ZNF223: variants seen among roughly 807,000 people sequenced by gnomAD.
The protein encoded by ZNF223 is Homo sapiens zinc finger protein 223.
A neutral mutation model predicts 12.3 loss-of-function variants in ZNF223; 9 were observed. The ratio of observed to expected loss-of-function variants is 0.73; its 90% CI spans 0.44 to 1.28. ZNF223 has a LOEUF of 1.28. Among genes scored for constraint, ZNF223 ranks in the 50% most tolerant of loss-of-function variants. The pLI, the probability that ZNF223 is intolerant of heterozygous loss-of-function variation, is 0.00. For missense variants in ZNF223, 506 were observed against 579.0 expected (o/e 0.87, Z 1.29); for synonymous variants, 171 against 195.2 (o/e 0.88, Z 1.03).
chr19:44,056,698 G>T (rs1976773164), intron 2 of ZNF223, among the ~76,000 whole-genome samples: 1 of 135,882 alleles, frequency 7.4e-6, no homozygotes, highest in Non-Finnish European at 1.5e-5. Flanking sequence ...GGTTTACGCC[G>T]TTCTCCTGCC....
At chr19:44,065,197 T>G (rs529293583) in intron 4 of ZNF223, among the ~76,000 whole-genome samples, 3 of 152,320 alleles carry the variant, frequency 2.0e-5, no homozygotes, top group African/African-American at 7.2e-5. Context: ...CCTTCAAGAT[T>G]CTACAGATTA....
intron 2 of ZNF223, 95 bp downstream of exon 2, chr19:44,055,286 A>C: frequency 7.2e-7 from 1 of 1,398,088 alleles, no homozygotes; most frequent in East Asian, 2.3e-5. Flanking sequence ...CAAGGAGAAC[A>C]GCAGGACTTT....
intron 4 of ZNF223, among the ~76,000 whole-genome samples, chr19:44,064,394 G>A (rs896173692): frequency 6.6e-5 from 10 of 152,102 alleles, no homozygotes; most frequent in Admixed American, 4.6e-4. Flanking sequence ...ATTCCCCTCA[G>A]AACTGCAGTT....
Position 44,067,140 on chromosome 19 carries a change from G to A in ZNF223, c.1312G>A (p.Val438Ile), listed in dbSNP as rs778553411. ...FKCEDCGKKL[V>I]YRSYRKDQQK... ...ATGTGAGGATTGTGGAAAGAAGCTT[G>A]TATACCGGTCATACCGTAAAGACCA... is the stretch of plus-strand genomic sequence containing the variant. Residue 438 changes from valine (V) to isoleucine (I), a missense_variant, in exon 5 of 5, where the codon GTA becomes ATA. Transcript: ENST00000434772. 3 of 1,613,332 alleles carry A rather than the reference G, an allele frequency of 1.9e-6. No individual in the cohort carries two copies. The highest frequency in any genetic ancestry group is 2.7e-5 in the African/African-American group (2 of 74,838).
chr19:44,066,744 C>T lies in ZNF223; in HGVS notation c.916C>T (p.His306Tyr). ...CCGTCTTAGGTCAAGTCTTAATAGG[C>T]ATTGTGTGGTCCACACAGGAAAGAA... ...SFRLRSSLNR[H>Y]CVVHTGKKPN... Residue 306 changes from histidine to tyrosine, a missense_variant, in exon 5 of 5, where the codon CAT becomes TAT. By Grantham distance (83) the His-to-Tyr change is moderately conservative. Coordinates refer to ENST00000434772, the MANE Select transcript of ZNF223 (RefSeq NM_013361.6). 6.2e-7 allele frequency: 1 copy of T among 1,614,210 alleles called. No individual in the cohort carries two copies. The highest frequency in any genetic ancestry group is 8.5e-7 in the Non-Finnish European group (1 of 1,180,052).
rs1976938820 is a variant in ZNF223, at chr19:44,067,535, C to T, written c.*258C>T. ...TCCATTAGCCAACCTTTGGCCATCC[C>T]ACCTATCCCTTACCCTTCCCTGCCT... On this transcript the variant is annotated 3_prime_UTR_variant, in exon 5 of 5. Coordinates refer to ENST00000434772, the MANE Select transcript of ZNF223 (RefSeq NM_013361.6). 1 of 507,532 alleles carries T rather than the reference C, an allele frequency of 2.0e-6. No homozygotes were observed. The highest frequency in any genetic ancestry group is 3.7e-6 in the Non-Finnish European group (1 of 268,140). The allele number at this position is 507,532 out of a possible 1,614,324, so 31.4% of individuals were successfully genotyped here.
intron 2 of ZNF223, among the ~76,000 whole-genome samples, chr19:44,057,585 C>T: frequency 6.6e-6 from 1 of 152,086 alleles, no homozygotes; most frequent in East Asian, 1.9e-4. Flanking sequence ...TTTCTTAATT[C>T]TTGAAAAAAC....
At chr19:44,065,130 C>G (rs1218088743) in intron 4 of ZNF223, among the ~76,000 whole-genome samples, 1 of 152,190 alleles carries the variant, frequency 6.6e-6, no homozygotes, top group East Asian at 1.9e-4. Flanking sequence ...ATTTCACTGT[C>G]AAGAGTTACC....
At position 44,067,519 on chromosome 19, in the gene ZNF223, C is replaced by T. The variant is rs1976938513; in HGVS notation, c.*242C>T. 1 of 549,590 alleles carries T rather than the reference C, an allele frequency of 1.8e-6. No homozygotes were observed. Among genetic ancestry groups the T allele is most frequent in the Non-Finnish European group, 3.4e-6 (1 of 294,838 alleles). The allele number at this position is 549,590 out of a possible 1,614,324, so 34.0% of individuals were successfully genotyped here. A position where few individuals can be genotyped will look rare whatever the true frequency, so the allele number is the denominator to read the frequency against. ...TACCTGTACTTTTGCATCCATTAGCCAACCTTTGGCCATCCCACCTATCCC... is the reference window on the plus strand; with the variant it reads ...TACCTGTACTTTTGCATCCATTAGCTAACCTTTGGCCATCCCACCTATCCC... On this transcript the variant is annotated 3_prime_UTR_variant, in exon 5 of 5. Coordinates refer to ENST00000434772, the MANE Select transcript of ZNF223 (RefSeq NM_013361.6).
chr19:44,054,125 T>C (rs1407479772), intron 1 of ZNF223, among the ~76,000 whole-genome samples: 3 of 152,112 alleles, frequency 2.0e-5, no homozygotes, highest in Non-Finnish European at 4.4e-5. Context: ...AGGTTTAGAT[T>C]ATACATTGTT....
At chr19:44,063,255 T>A (rs1976864817) in intron 4 of ZNF223, 1 of 152,274 alleles carries the variant, frequency 6.6e-6, no homozygotes, top group Non-Finnish European at 1.5e-5. Context: ...CCGCTGTCGA[T>A]TCCTTGCAGG....
chr19:44,067,155 C>A lies in ZNF223; in HGVS notation c.1327C>A (p.Arg443Ser), dbSNP rs368068033. The A allele has an allele frequency of 1.2e-6, 2 of 1,613,068 alleles. No individual in the cohort carries two copies. Among genetic ancestry groups the A allele is most frequent in the Admixed American group, 1.7e-5 (1 of 59,790 alleles). The change falls in exon 5 of 5, where the codon CGT becomes AGT. Residue 443 changes from arginine (R) to serine (S), a missense_variant. Physicochemically the swap from Arg to Ser is moderately radical, Grantham distance 110 (BLOSUM62 -1). Coordinates refer to ENST00000434772, the MANE Select transcript of ZNF223 (RefSeq NM_013361.6). Reference protein sequence around the residue: ...CGKKLVYRSYRKDQQKNHSGE... With the variant: ...CGKKLVYRSYSKDQQKNHSGE... ...AAAGAAGCTTGTATACCGGTCATAC[C>A]GTAAAGACCAACAAAAAAACCACAG...
chr19:44,058,765 G>A (rs1040268038), intron 2 of ZNF223, among the ~76,000 whole-genome samples: 13 of 152,228 alleles, frequency 8.5e-5, no homozygotes, highest in African/African-American at 3.1e-4. Context: ...GTATCTATCG[G>A]CCATTGCCTA....
chr19:44,067,044 G>T lies in ZNF223; in HGVS notation c.1216G>T (p.Gly406Trp). The T allele has an allele frequency of 6.2e-7, 1 of 1,614,080 alleles. No homozygotes were observed. ...GAGACCTTATAACTGTGATGACTGT[G>T]GGAAGAGCTTTAGACAGGCCTCAAG... ...GERPYNCDDC[G>W]KSFRQASSIL... The change falls in exon 5 of 5, where the codon GGG becomes TGG. Residue 406 changes from glycine to tryptophan, a missense_variant. Coordinates refer to ENST00000434772, the MANE Select transcript of ZNF223 (RefSeq NM_013361.6).
rs757276706 is a variant in ZNF223 at position 44,067,235 on chromosome 19, G to A, written c.1407G>A (p.Leu469=). 1 of 1,607,690 alleles carries A rather than the reference G, an allele frequency of 6.2e-7. No individual in the cohort carries two copies. The highest frequency in any genetic ancestry group is 1.1e-5 in the South Asian group (1 of 89,216). The change falls in exon 5 of 5, where the codon TTG becomes TTA. Residue 469 remains leucine (L), a synonymous_variant. Transcript: ENST00000434772. ...GTGGGAAGCGCTACAAGAGGCGCTTGAATCTTGATATAATTTTATCATTAT... is the reference window on the plus strand; with the variant it reads ...GTGGGAAGCGCTACAAGAGGCGCTTAAATCTTGATATAATTTTATCATTAT... The part of the protein sequence containing the change: ...EDCGKRYKRR[L]NLDIILSLFL...
chr19:44,060,937 C>T, intron 4 of ZNF223, 96 bp downstream of exon 4: 6 of 1,212,178 alleles, frequency 4.9e-6, no homozygotes, highest in Non-Finnish European at 7.1e-6. Context: ...AATGGCCAAA[C>T]ATCTTTGCTG....
In ZNF223 at chr19:44,060,598, T is replaced by C; in HGVS notation, c.142+17T>C. The C allele has an allele frequency of 6.2e-7, 1 of 1,613,964 alleles. No individual in the cohort carries two copies. Among genetic ancestry groups the C allele is most frequent in the Non-Finnish European group, 8.5e-7 (1 of 1,179,936 alleles). ...TGTCAGTGGGTGAGGACAGGCATCT[T>C]CTATAAGGGAATGTCAGGCCCCAGG... On this transcript the variant is annotated intron_variant, in intron 3 of 4. Coordinates refer to ENST00000434772, the MANE Select transcript of ZNF223 (RefSeq NM_013361.6).
intron 2 of ZNF223, among the ~76,000 whole-genome samples, chr19:44,055,599 A>G (rs559595298): frequency 9.2e-5 from 14 of 151,852 alleles, no homozygotes; most frequent in African/African-American, 2.7e-4. Flanking sequence ...GAGAAACCCC[A>G]TCTCTACTAA....
intron 1 of ZNF223, among the ~76,000 whole-genome samples, chr19:44,053,958 A>G (rs1480845520): frequency 6.6e-6 from 1 of 152,180 alleles, no homozygotes; most frequent in African/African-American, 2.4e-5. Context: ...CTGCGAGCAC[A>G]GGGTTGGGGC....
Sources: gnomAD v4.1 joint callset for allele counts (sites outside exome capture counted in the v4.1 genomes callset) on GRCh38, gnomAD v4.1.1 for gene constraint, MANE v1.5 for transcripts, NCBI Gene and HGNC (gene_info 2026-07-23, HGNC 2026-07-21) for gene names.